The following KIAA0825 variants were observed in gnomAD, a reference collection of about 807,000 sequenced individuals.
KIAA0825 encodes KIAA0825, also known as uncharacterized protein KIAA0825.
In KIAA0825, 119 loss-of-function variants were observed where a neutral mutation model predicts 147.6. The ratio of observed to expected loss-of-function variants is 0.81; its 90% confidence interval spans 0.69 to 0.94. The LOEUF is 0.94. KIAA0825 is among the 40% of genes least tolerant of loss of function. The pLI is 0.00. For missense variants in KIAA0825, 1,381 were observed against 1,472.7 expected (o/e 0.94, Z 1.02); for synonymous variants, 470 against 518.1 (o/e 0.91, Z 1.26).
At chr5:94,285,018 G>A (rs963090600) in intron 20 of KIAA0825, among the ~76,000 whole-genome samples, 3 of 151,972 alleles carry the variant, frequency 2.0e-5, no homozygotes, top group Non-Finnish European at 2.9e-5. Flanking sequence ...GGGGCTGCTC[G>A]ATACATTTTT....
chr5:94,569,370 T>G (rs1334905203), intron 2 of KIAA0825: 3 of 376,542 alleles, frequency 8.0e-6, no homozygotes, highest in Non-Finnish European at 1.5e-5. Context: ...CCACTAACAA[T>G]CAACACTAAG....
chr5:94,599,636 A>T (rs552816811), intron 1 of KIAA0825, among the ~76,000 whole-genome samples: 88 of 152,324 alleles, frequency 5.8e-4, no homozygotes, highest in African/African-American at 1.9e-3. Context: ...AGCAGAATCA[A>T]CAAAAGAAAA....
At chr5:94,327,658 A>C (rs1780832034) in intron 20 of KIAA0825, among the ~76,000 whole-genome samples, 1 of 152,070 alleles carries the variant, frequency 6.6e-6, no homozygotes, top group African/African-American at 2.4e-5. Flanking sequence ...TTGCCTGAAA[A>C]CCTATATTAT....
intron 20 of KIAA0825, among the ~76,000 whole-genome samples, chr5:94,164,723 A>G (rs961553408): frequency 6.6e-6 from 1 of 152,084 alleles, no homozygotes; most frequent in African/African-American, 2.4e-5. Context: ...TAGTGAACTC[A>G]TTTTTAACAA....
rs756285006 is a variant in KIAA0825, at chr5:94,396,398, T to C, written c.2999A>G (p.Lys1000Arg). ...CAATTCAACAAATTTTTTTGACATT[T>C]TTCTCTCAGACAGAAAAAAGAAGTA... ...VKYFFFLSER[K>R]MSKKFVELKK... The change falls in exon 17 of 21, where the codon AAA becomes AGA. Residue 1000 changes from lysine to arginine, a missense_variant. Physicochemically the swap from Lys to Arg is conservative, Grantham distance 26. Coordinates refer to ENST00000682413, the MANE Select transcript of KIAA0825 (RefSeq NM_001145678.3). 10 of 1,550,774 alleles carry C rather than the reference T, an allele frequency of 6.4e-6. No homozygotes were observed. Among genetic ancestry groups the C allele is most frequent in the Non-Finnish European group, 8.7e-6 (10 of 1,146,732 alleles).
intron 20 of KIAA0825, among the ~76,000 whole-genome samples, chr5:94,313,683 C>A (rs1278664617): frequency 1.3e-5 from 2 of 150,630 alleles, no homozygotes; most frequent in African/African-American, 4.9e-5. Flanking sequence ...CGGCAAGTTC[C>A]TTAAATGAAG....
chr5:94,524,075 A>G lies in KIAA0825; in HGVS notation c.155T>C (p.Ile52Thr). The change falls in exon 4 of 21, where the codon ATA becomes ACA. Residue 52 changes from isoleucine to threonine, a missense_variant. Coordinates refer to ENST00000682413, the MANE Select transcript of KIAA0825 (RefSeq NM_001145678.3). ...ACATTGTTTGTTAATTTCGGACTGT[A>G]TCTCTTTAATGCAATGTTTTATGCT... ...AASIKHCIKEIQSEINKQCPG... is the reference protein window; with the variant it reads ...AASIKHCIKETQSEINKQCPG... 1 of 1,608,414 alleles carries G rather than the reference A, an allele frequency of 6.2e-7. No individual in the cohort carries two copies. The highest frequency in any genetic ancestry group is 8.5e-7 in the Non-Finnish European group (1 of 1,176,580).
At chr5:94,216,575 G>T (rs572468504) in intron 20 of KIAA0825, among the ~76,000 whole-genome samples, 2 of 152,104 alleles carry the variant, frequency 1.3e-5, no homozygotes, top group African/African-American at 4.8e-5. Context: ...CAGGGCTCCC[G>T]TTCATACTAA....
At chr5:94,590,581 A>G (rs774248097) in intron 1 of KIAA0825, among the ~76,000 whole-genome samples, 7 of 152,206 alleles carry the variant, frequency 4.6e-5, no homozygotes, top group Non-Finnish European at 1.0e-4. Context: ...ACTGCAAATC[A>G]CCTATACCCC....
intron 20 of KIAA0825, among the ~76,000 whole-genome samples, chr5:94,347,238 A>G (rs1361034273): frequency 6.6e-6 from 1 of 152,172 alleles, no homozygotes; most frequent in Non-Finnish European, 1.5e-5. Flanking sequence ...AGTAGCAGAA[A>G]AGGGCATATA....
intron 20 of KIAA0825, among the ~76,000 whole-genome samples, chr5:94,379,024 T>C (rs901054308): frequency 6.6e-6 from 1 of 152,176 alleles, no homozygotes; most frequent in African/African-American, 2.4e-5. Context: ...AGATGCATAG[T>C]TTGCAAGTAT....
At chr5:94,466,736 C>CAAAAAAAAAA (rs56785201) in intron 10 of KIAA0825, among the ~76,000 whole-genome samples, 2 of 61,388 alleles carry the variant, frequency 3.3e-5, no homozygotes, top group Non-Finnish European at 3.0e-5. Context: ...GACTGTGTCT[C>CAAAAAAAAAA]AAAAAAAAAA....
intron 20 of KIAA0825, among the ~76,000 whole-genome samples, chr5:94,348,802 A>G (rs1783304541): frequency 6.6e-6 from 1 of 152,210 alleles, no homozygotes; most frequent in Non-Finnish European, 1.5e-5. Context: ...TCTTGAAACA[A>G]ATCCTGGAAA....
intron 13 of KIAA0825, 76 bp downstream of exon 13, chr5:94,452,883 C>A (rs1414751608): frequency 2.7e-6 from 2 of 727,664 alleles, no homozygotes; most frequent in African/African-American, 1.9e-5. Context: ...TCGTTTACAT[C>A]CATTGATAAA....
chr5:94,515,573 C>G (rs113075424), intron 5 of KIAA0825, among the ~76,000 whole-genome samples: 1,575 of 152,174 alleles, frequency 0.01, 27 homozygotes, highest in African/African-American at 0.035. Flanking sequence ...GGGTGGATCA[C>G]CTGAGGTAAG....
chr5:94,608,509 T>A (rs10214168), intron 1 of KIAA0825, among the ~76,000 whole-genome samples: 8,212 of 44,008 alleles, frequency 0.19, 1,383 homozygotes, highest in Non-Finnish European at 0.22. Context: ...ATATATATAT[T>A]TTTTTTTAGA....
intron 20 of KIAA0825, among the ~76,000 whole-genome samples, chr5:94,244,350 G>A (rs1224215555): frequency 6.6e-6 from 1 of 152,070 alleles, no homozygotes; most frequent in African/African-American, 2.4e-5. Flanking sequence ...TTTGTGGGGA[G>A]GGAACAGGGT....
At chr5:94,557,261 G>A (rs1003579372) in intron 2 of KIAA0825, among the ~76,000 whole-genome samples, 7 of 152,024 alleles carry the variant, frequency 4.6e-5, no homozygotes, top group Non-Finnish European at 8.8e-5. Context: ...ACAGGCACGT[G>A]CTACCATGCC....
chr5:94,162,264 A>G (rs1767654966), intron 20 of KIAA0825, among the ~76,000 whole-genome samples: 1 of 152,164 alleles, frequency 6.6e-6, no homozygotes, highest in East Asian at 1.9e-4. Flanking sequence ...AACTTTCTCC[A>G]GGGAACGCAA....
Sources: gnomAD v4.1 joint callset for allele counts (sites outside exome capture counted in the v4.1 genomes callset) on GRCh38, gnomAD v4.1.1 for gene constraint, MANE v1.5 for transcripts, NCBI Gene and HGNC (gene_info 2026-07-23, HGNC 2026-07-21) for gene names.